CPLX2: variants seen among roughly 807,000 people sequenced by gnomAD.
CPLX2 encodes the protein complexin 2.
Under a neutral mutation model 16.3 loss-of-function variants are expected in CPLX2, and 5 were observed. The ratio of observed to expected loss-of-function variants is 0.31; its 90% confidence interval spans 0.16 to 0.64. CPLX2 has a LOEUF of 0.64. Among genes scored for constraint, CPLX2 ranks in the 30% least tolerant of loss-of-function variants. CPLX2 has a pLI of 0.79. For missense variants in CPLX2, 144 were observed against 181.4 expected (o/e 0.79, Z 1.18); for synonymous variants, 89 against 73.2 (o/e 1.22, Z -1.10).
At chr5:175,871,925 A>C (rs1164618565) in intron 1 of CPLX2, 2 of 150,268 alleles carry the variant, frequency 1.3e-5, no homozygotes, top group Non-Finnish European at 3.0e-5. Context: ...GCTCCTTGCG[A>C]GGGGCCGCGA....
intron 3 of CPLX2, 108 bp from the exon 4 acceptor site, chr5:175,879,740 C>T (rs1561793676): frequency 9.8e-7 from 1 of 1,017,682 alleles, no homozygotes; most frequent in Non-Finnish European, 1.5e-6. Flanking sequence ...AGGACTGAGG[C>T]TTGGGAGGCA....
At chr5:175,877,890 G>T (rs1263804359) in intron 1 of CPLX2, among the ~76,000 whole-genome samples, 2 of 152,116 alleles carry the variant, frequency 1.3e-5, no homozygotes, top group Non-Finnish European at 2.9e-5. Flanking sequence ...AGAGGAGTAG[G>T]GTGCTAATGT....
chr5:175,835,290 G>C (rs941319771), intron 2 of CPLX2, among the ~76,000 whole-genome samples: 1 of 152,150 alleles, frequency 6.6e-6, no homozygotes, highest in Non-Finnish European at 1.5e-5. Context: ...CATAAGACAG[G>C]AATAGTCAGC....
chr5:175,804,128 A>T (rs1758153152), intron 1 of CPLX2, among the ~76,000 whole-genome samples: 1 of 152,232 alleles, frequency 6.6e-6, no homozygotes, highest in Admixed American at 6.5e-5. Context: ...AAATATCAAA[A>T]TTTTAAATCA....
Position 175,858,203 on chromosome 5 carries a change from C to T in CPLX2, c.-88-20449C>T, listed in dbSNP as rs558439570. ...ATAATAGGAGGTAAGAGAACTCCTT[C>T]GGTGAGACCCTCCTGGAGCCCCAAA... On this transcript the variant is annotated intron_variant, in intron 2 of 4. Coordinates refer to the CPLX2 transcript ENST00000359546. Among the ~76,000 whole-genome samples, 13 of 152,334 alleles carry T rather than the reference C, an allele frequency of 8.5e-5. No individual in the cohort carries two copies. The South Asian group carries it at 2.5e-3, about 29-fold the overall frequency.
At chr5:175,828,759 T>G (rs937059901) in intron 2 of CPLX2, among the ~76,000 whole-genome samples, 5 of 152,264 alleles carry the variant, frequency 3.3e-5, no homozygotes, top group Non-Finnish European at 7.4e-5. Flanking sequence ...TGTCAGATAT[T>G]CACACCTGCC....
At chr5:175,810,268 C>T (rs955345499) in intron 2 of CPLX2, among the ~76,000 whole-genome samples, 2 of 151,902 alleles carry the variant, frequency 1.3e-5, no homozygotes, top group African/African-American at 4.8e-5. Flanking sequence ...AACTGAGACC[C>T]AGAGTGGGGA....
intron 2 of CPLX2, among the ~76,000 whole-genome samples, chr5:175,834,389 C>A (rs1271835721): frequency 6.6e-6 from 1 of 152,194 alleles, no homozygotes; most frequent in Non-Finnish European, 1.5e-5. Flanking sequence ...CCAGGCTCTG[C>A]ACTCAGAGCT....
intron 2 of CPLX2, among the ~76,000 whole-genome samples, chr5:175,859,443 G>A (rs1759321555): frequency 1.3e-5 from 2 of 152,228 alleles, no homozygotes; most frequent in Non-Finnish European, 2.9e-5. Flanking sequence ...AGTCCCAACT[G>A]AGGAGGACCC....
At chr5:175,799,551 TATATATATA>T (rs1561766331) in intron 1 of CPLX2, among the ~76,000 whole-genome samples, 92 of 137,098 alleles carry the variant, frequency 6.7e-4, no homozygotes, top group African/African-American at 2.3e-3. Flanking sequence ...TATATATATA[TATATATATA>T]TATATATATA....
At chr5:175,837,019 C>T (rs1445085115) in intron 2 of CPLX2, among the ~76,000 whole-genome samples, 1 of 152,198 alleles carries the variant, frequency 6.6e-6, no homozygotes, top group Non-Finnish European at 1.5e-5. Flanking sequence ...GAAACTAGAC[C>T]CTAACTTGGG....
chr5:175,869,064 T>C (rs1319122227), upstream of CPLX2, among the ~76,000 whole-genome samples: 2 of 152,228 alleles, frequency 1.3e-5, no homozygotes, highest in Non-Finnish European at 1.5e-5. Flanking sequence ...GAAAGACTTA[T>C]GATATTCAGC....
chr5:175,874,085 T>C (rs139406720), intron 1 of CPLX2, among the ~76,000 whole-genome samples: 2 of 152,286 alleles, frequency 1.3e-5, no homozygotes, highest in Non-Finnish European at 2.9e-5. Flanking sequence ...TCGTATCAGT[T>C]TAACAAGGCC....
chr5:175,820,921 G>A (rs1021374607), intron 2 of CPLX2, among the ~76,000 whole-genome samples: 1 of 152,190 alleles, frequency 6.6e-6, no homozygotes, highest in Non-Finnish European at 1.5e-5. Context: ...ACAGGCAGTC[G>A]GCCGCTCGGT....
intron 2 of CPLX2, among the ~76,000 whole-genome samples, chr5:175,826,059 T>A (rs1345283512): frequency 1.3e-5 from 2 of 149,676 alleles, no homozygotes; most frequent in African/African-American, 2.5e-5. Context: ...GACTCAGGGA[T>A]GCACAGGGCT....
At chr5:175,812,699 G>A (rs1758335720) in intron 2 of CPLX2, among the ~76,000 whole-genome samples, 1 of 152,100 alleles carries the variant, frequency 6.6e-6, no homozygotes, top group Admixed American at 6.6e-5. Context: ...ATGTGAGCTT[G>A]AAATAATGTT....
At chr5:175,814,736 GA>G (rs1204793590) in intron 2 of CPLX2, among the ~76,000 whole-genome samples, 1 of 152,198 alleles carries the variant, frequency 6.6e-6, no homozygotes, top group Non-Finnish European at 1.5e-5. Context: ...CTCAGGAAAG[GA>G]CCAGAGCCAA....
At chr5:175,847,426 C>T (rs1389815546) in intron 2 of CPLX2, among the ~76,000 whole-genome samples, 1 of 152,210 alleles carries the variant, frequency 6.6e-6, no homozygotes, top group Non-Finnish European at 1.5e-5. Flanking sequence ...CAGAGCAACT[C>T]AGACAGGCTC....
chr5:175,871,398 GA>G (rs1407464397), upstream of CPLX2: 1 of 128,476 alleles, frequency 7.8e-6, no homozygotes, highest in Non-Finnish European at 1.6e-5. Context: ...GGGAGGGAGA[GA>G]AAGAGAGAGA....
Sources: allele counts gnomAD v4.1 joint callset (sites outside exome capture counted in the v4.1 genomes callset), GRCh38; gene constraint gnomAD v4.1.1; transcripts MANE v1.5; gene names NCBI Gene and HGNC (gene_info 2026-07-23, HGNC 2026-07-21).